The following DUSP13B variants were observed in gnomAD, a reference collection of about 807,000 sequenced individuals.
DUSP13B encodes the protein dual specificity phosphatase 13B.
At chr10:75,097,862 T>TC in the DUSP13B span, 1 of 1,609,236 alleles carries the variant, frequency 6.2e-7, no homozygotes, top group East Asian at 2.2e-5. Flanking sequence ...CCTCCGGAGG[T>TC]CCTGCTTCTG....
At chr10:75,109,188 G>A in the DUSP13B span, 1 of 1,530,646 alleles carries the variant, frequency 6.5e-7, no homozygotes, top group Non-Finnish European at 8.8e-7. Context: ...CTGCCTCTGT[G>A]GTCACTCCTC....
chr10:75,105,706 C>T, the DUSP13B span: 10 of 1,552,230 alleles, frequency 6.4e-6, no homozygotes, highest in Non-Finnish European at 7.8e-6. Flanking sequence ...CTGGTCCAGC[C>T]TGCAGAGCTG....
At chr10:75,108,180 C>G in the DUSP13B span, 1 of 1,611,348 alleles carries the variant, frequency 6.2e-7, no homozygotes, top group Non-Finnish European at 8.5e-7. Flanking sequence ...GCCCAGCTTC[C>G]ACAGCTCAAA....
the DUSP13B span, chr10:75,102,071 G>A: frequency 1.4e-6 from 1 of 694,528 alleles, no homozygotes; most frequent in South Asian, 1.5e-5. Flanking sequence ...CCAGTGCCAA[G>A]CACAGTCAGG....
the DUSP13B span, among the ~76,000 whole-genome samples, chr10:75,105,025 T>A: frequency 6.6e-6 from 1 of 151,662 alleles, no homozygotes. Flanking sequence ...CATGGGGTGG[T>A]AGGGACAGCC....
the DUSP13B span, chr10:75,105,830 A>G: frequency 2.2e-5 from 34 of 1,550,594 alleles, no homozygotes; most frequent in Non-Finnish European, 4.4e-6. Flanking sequence ...AGCGTGGCAG[A>G]GCGGCTCACG....
chr10:75,098,985 T>A, the DUSP13B span: 11 of 1,232,140 alleles, frequency 8.9e-6, no homozygotes, highest in African/African-American at 1.6e-5. Flanking sequence ...AGCCTGGTAC[T>A]GCTGAGCCAC....
the DUSP13B span, chr10:75,108,294 A>C: frequency 2.0e-6 from 3 of 1,505,100 alleles, no homozygotes; most frequent in East Asian, 2.3e-5. Context: ...CTGCAGAGGG[A>C]CCGAGCCATT....
the DUSP13B span, among the ~76,000 whole-genome samples, chr10:75,097,228 G>C: frequency 1.3e-5 from 2 of 151,528 alleles, no homozygotes; most frequent in African/African-American, 4.9e-5. Context: ...CTTTCTTTGA[G>C]ACAGAGTTTC....
At chr10:75,105,698 G>A in the DUSP13B span, 44 of 1,550,906 alleles carry the variant, frequency 2.8e-5, no homozygotes, top group Admixed American at 1.9e-4. Flanking sequence ...CGCAGTTGCT[G>A]GTCCAGCCTG....
chr10:75,106,610 G>GCC, the DUSP13B span, among the ~76,000 whole-genome samples: 1 of 152,238 alleles, frequency 6.6e-6, no homozygotes, highest in South Asian at 2.1e-4. Context: ...TAGCACCCCC[G>GCC]CCGTGTGCTC....
At chr10:75,103,239 C>T in the DUSP13B span, among the ~76,000 whole-genome samples, 1 of 152,244 alleles carries the variant, frequency 6.6e-6, no homozygotes, top group Non-Finnish European at 1.5e-5. Flanking sequence ...GCATTGCCAA[C>T]AGCAGGACCC....
At chr10:75,106,606 C>T in the DUSP13B span, among the ~76,000 whole-genome samples, 2 of 152,168 alleles carry the variant, frequency 1.3e-5, no homozygotes, top group Non-Finnish European at 2.9e-5. Context: ...GGCTTAGCAC[C>T]CCCGCCGTGT....
chr10:75,094,735 A>G, the DUSP13B span: 4 of 1,614,168 alleles, frequency 2.5e-6, no homozygotes, highest in Non-Finnish European at 1.7e-6. Flanking sequence ...TGCCGGAGGA[A>G]GCCTGAGTTA....
chr10:75,097,861 G>A, the DUSP13B span: 1 of 1,610,344 alleles, frequency 6.2e-7, no homozygotes, highest in East Asian at 2.2e-5. Context: ...GCCTCCGGAG[G>A]TCCTGCTTCT....
chr10:75,100,757 C>T, the DUSP13B span, among the ~76,000 whole-genome samples: 4 of 152,234 alleles, frequency 2.6e-5, no homozygotes, highest in African/African-American at 7.2e-5. Context: ...CTGCTGTTTG[C>T]AAGTCCATGC....
At chr10:75,108,341 G>T in the DUSP13B span, 1 of 1,435,804 alleles carries the variant, frequency 7.0e-7, no homozygotes, top group Non-Finnish European at 9.1e-7. Flanking sequence ...CAAGCTCCAA[G>T]TGGGGTCTGA....
At chr10:75,101,467 C>A in the DUSP13B span, among the ~76,000 whole-genome samples, 1 of 152,300 alleles carries the variant, frequency 6.6e-6, no homozygotes, top group South Asian at 2.1e-4. Context: ...CTTGATATTT[C>A]TTTCTCTGTC....
At chr10:75,101,930 A>G in the DUSP13B span, 1 of 1,367,824 alleles carries the variant, frequency 7.3e-7, no homozygotes. Flanking sequence ...GCTGGCTTTC[A>G]GCCGCCTGTC....
Sources: gnomAD v4.1 joint callset for allele counts (sites outside exome capture counted in the v4.1 genomes callset) on GRCh38, gnomAD v4.1.1 for gene constraint, MANE v1.5 for transcripts, NCBI Gene and HGNC (gene_info 2026-07-23, HGNC 2026-07-21) for gene names.